The following TNIK variants were observed in gnomAD, a reference collection of about 807,000 sequenced individuals.
The protein encoded by TNIK is TRAF2 and NCK interacting kinase.
A neutral mutation model predicts 191.3 loss-of-function variants in TNIK; 49 were observed. The ratio of observed to expected loss-of-function variants is 0.26; its 90% CI spans 0.20 to 0.32. TNIK has a LOEUF of 0.32. Ranked by LOEUF, TNIK falls within the 10% of genes least tolerant of loss-of-function variation. The pLI is 1.00. For synonymous variants in TNIK, 594 were observed against 600.9 expected, an observed-to-expected ratio of 0.99 and a Z score of 0.17; for missense variants, 1,155 against 1,702.3, an observed-to-expected ratio of 0.68 and a Z score of 5.66.
Position 171,410,093 on chromosome 3 carries a change from C to T in TNIK, c.58-40408G>A, listed in dbSNP as rs1243298179. On this transcript the variant is annotated intron_variant, in intron 1 of 32. Transcript: ENST00000436636. ...TTATACAGGGTTCTTTGGCCCTCTG[C>T]CAATCCTAAAAGAACTTTGATAACA... Among the ~76,000 whole-genome samples the T allele has an allele frequency of 4.6e-5, 7 of 152,116 alleles. 1 individual carries two copies. The highest frequency in any genetic ancestry group is 2.0e-4 in the Admixed American group (3 of 15,268).
chr3:171,162,670 A>C (rs2108740501), intron 10 of TNIK, among the ~76,000 whole-genome samples: 1 of 152,334 alleles, frequency 6.6e-6, no homozygotes, highest in East Asian at 1.9e-4. Context: ...CACTACTGCT[A>C]GATATTTTAC....
At chr3:171,145,086 CTCTT>C (rs1553835023) in intron 12 of TNIK, among the ~76,000 whole-genome samples, 1 of 113,908 alleles carries the variant, frequency 8.8e-6, no homozygotes, top group East Asian at 2.3e-4. Flanking sequence ...AGCTATCTCT[CTCTT>C]TTTTTTTTTT....
chr3:171,349,267 A>G (rs994545738), intron 2 of TNIK, among the ~76,000 whole-genome samples: 2 of 152,214 alleles, frequency 1.3e-5, no homozygotes, highest in Non-Finnish European at 2.9e-5. Context: ...TTTAAATCAC[A>G]TATCATATTT....
intron 2 of TNIK, among the ~76,000 whole-genome samples, chr3:171,367,085 A>G (rs1221858051): frequency 3.3e-5 from 5 of 152,072 alleles, no homozygotes; most frequent in African/African-American, 9.7e-5. Context: ...AGACTAATAC[A>G]GTATTTAACA....
intron 11 of TNIK, among the ~76,000 whole-genome samples, chr3:171,158,194 AAC>A (rs1336009989): frequency 2.0e-5 from 3 of 152,226 alleles, no homozygotes; most frequent in African/African-American, 4.8e-5. Flanking sequence ...AGTCAAGGTC[AAC>A]ACAGAGCCAG....
At chr3:171,317,985 A>G (rs1218957093) in intron 2 of TNIK, among the ~76,000 whole-genome samples, 1 of 152,188 alleles carries the variant, frequency 6.6e-6, no homozygotes, top group Non-Finnish European at 1.5e-5. Flanking sequence ...TTACTACTAT[A>G]GTGCTTGACA....
intron 2 of TNIK, among the ~76,000 whole-genome samples, chr3:171,268,331 T>TC (rs974192285): frequency 1.8e-4 from 27 of 151,956 alleles, no homozygotes; most frequent in African/African-American, 6.5e-4. Flanking sequence ...GCCCCCATCA[T>TC]CCCCCACGTA....
intron 4 of TNIK, among the ~76,000 whole-genome samples, chr3:171,208,236 G>C (rs111509744): frequency 1.5e-3 from 233 of 152,204 alleles, no homozygotes; most frequent in Non-Finnish European, 2.9e-3. Context: ...CAGCAGGATC[G>C]CTTGAGCTAT....
intron 12 of TNIK, among the ~76,000 whole-genome samples, chr3:171,147,087 T>C (rs911985645): frequency 2.0e-5 from 3 of 152,162 alleles, no homozygotes; most frequent in African/African-American, 7.2e-5. Flanking sequence ...AGCAGAATTC[T>C]TATTTGCCCT....
intron 23 of TNIK, among the ~76,000 whole-genome samples, chr3:171,090,126 G>C (rs945758327): frequency 6.6e-6 from 1 of 152,164 alleles, no homozygotes; most frequent in African/African-American, 2.4e-5. Context: ...GTGGAGAGGT[G>C]AAAGCAGGAG....
chr3:171,107,193 G>A lies in TNIK; in HGVS notation c.2396C>T (p.Ala799Val). ...AAAGGTAATACTAACCTCATCTATA[G>A]CTTTTTTGTAGCTCTGAAATGAGAG... ...RPSRPASYKK[A>V]IDEDLTALAK... Residue 799 changes from alanine to valine, a missense_variant, in exon 21 of 33, where the codon GCT becomes GTT. Ala to Val is a moderately conservative substitution (Grantham distance 64). This residue lies in a region of TNIK where 735 missense variants were observed against 848.0 expected (regional missense o/e 0.87). Transcript: ENST00000436636. 6.2e-7 allele frequency: 1 copy of A among 1,612,258 alleles called. No homozygotes were observed. The highest frequency in any genetic ancestry group is 8.5e-7 in the Non-Finnish European group (1 of 1,179,300).
chr3:171,330,054 G>C (rs1408673655), intron 2 of TNIK, among the ~76,000 whole-genome samples: 1 of 152,198 alleles, frequency 6.6e-6, no homozygotes, highest in African/African-American at 2.4e-5. Flanking sequence ...CCATTAGGCA[G>C]TTCTGACTGT....
intron 23 of TNIK, among the ~76,000 whole-genome samples, chr3:171,092,316 C>T (rs946476025): frequency 6.6e-6 from 1 of 152,134 alleles, no homozygotes; most frequent in Non-Finnish European, 1.5e-5. Context: ...AACATGGAGC[C>T]ATTTGGATGT....
chr3:171,240,745 T>C (rs1433490966), intron 2 of TNIK, among the ~76,000 whole-genome samples: 1 of 152,206 alleles, frequency 6.6e-6, no homozygotes, highest in Non-Finnish European at 1.5e-5. Flanking sequence ...GGCTGCTATA[T>C]CTAAAACTTC....
At chr3:171,253,225 A>G (rs1004144830) in intron 2 of TNIK, among the ~76,000 whole-genome samples, 4 of 149,880 alleles carry the variant, frequency 2.7e-5, no homozygotes, top group Admixed American at 2.7e-4. Context: ...CGGAACTTGC[A>G]GTGAGCCGAG....
intron 2 of TNIK, among the ~76,000 whole-genome samples, chr3:171,302,050 C>T (rs1196828431): frequency 6.6e-6 from 1 of 151,488 alleles, no homozygotes; most frequent in Admixed American, 6.6e-5. Flanking sequence ...TACCAGTGTA[C>T]ATTGTATTAC....
intron 9 of TNIK, among the ~76,000 whole-genome samples, chr3:171,168,060 G>A (rs1734825042): frequency 1.3e-5 from 2 of 152,228 alleles, no homozygotes; most frequent in African/African-American, 4.8e-5. Flanking sequence ...CCACGCCAGA[G>A]ACCTGGCAGG....
At position 171,058,662 on chromosome 3, in the gene TNIK, T is replaced by G. The variant is rs1193123111; in HGVS notation, c.*5219A>C. On this transcript the variant is annotated 3_prime_UTR_variant, in exon 33 of 33. Coordinates refer to ENST00000436636, the MANE Select transcript of TNIK (RefSeq NM_015028.4). ...TTCTCAGGTGAGGTTATAATCCAGT[T>G]TTAGCAAATGTTTGACAATTTAAAA... Among the ~76,000 whole-genome samples the G allele has an allele frequency of 1.3e-5, 2 of 152,182 alleles. No individual in the cohort carries two copies. The highest frequency in any genetic ancestry group is 2.9e-5 in the Non-Finnish European group (2 of 68,030).
At position 171,206,335 on chromosome 3, in the gene TNIK, GTATA is replaced by G. The variant is rs60356829; in HGVS notation, c.306+4777_306+4780del. Among the ~76,000 whole-genome samples, 4 of 133,028 alleles carry G rather than the reference GTATA, an allele frequency of 3.0e-5. 1 individual carries two copies. Among genetic ancestry groups the G allele is most frequent in the East Asian group, 5.4e-4 (2 of 3,702 alleles). 87.3% of individuals were successfully genotyped at this position (133,028 alleles called of 152,430 possible). A position where few individuals can be genotyped will look rare whatever the true frequency, so the allele number is the denominator to read the frequency against. ...AATATATGGAGATATATATGTTCGT[GTATA>G]TATATATATATATATGGAAGAATGA... On this transcript the variant is annotated intron_variant, in intron 4 of 32. Coordinates refer to ENST00000436636, the MANE Select transcript of TNIK (RefSeq NM_015028.4).
Sources: gnomAD v4.1 joint callset for allele counts (sites outside exome capture counted in the v4.1 genomes callset) on GRCh38, gnomAD v4.1.1 for gene constraint, gnomAD v4.1.1 regional missense constraint, MANE v1.5 for transcripts, NCBI Gene and HGNC (gene_info 2026-07-23, HGNC 2026-07-21) for gene names.